Variants in SGCZ observed in about 807,000 individuals in gnomAD.
SGCZ encodes zeta-sarcoglycan.
A neutral mutation model predicts 41.3 loss-of-function variants in SGCZ; 40 were observed. The ratio of observed to expected loss-of-function variants is 0.97; its 90% CI spans 0.75 to 1.26. The LOEUF (loss-of-function observed/expected upper bound fraction) is 1.26. Among genes scored for constraint, SGCZ ranks in the 50% most tolerant of loss-of-function variants. SGCZ has a pLI of 0.00. For synonymous variants in SGCZ, 206 were observed against 137.5 expected, an observed-to-expected ratio of 1.50 and a Z score of -3.49; for missense variants, 552 against 369.8, an observed-to-expected ratio of 1.49 and a Z score of -4.04.
chr8:14,468,942 C>A (rs1466586966), intron 2 of SGCZ, among the ~76,000 whole-genome samples: 3 of 152,082 alleles, frequency 2.0e-5, no homozygotes, highest in African/African-American at 7.2e-5. Flanking sequence ...TACATACATT[C>A]CATTGCCATC....
At chr8:15,018,237 G>A (rs1010998917) in intron 1 of SGCZ, among the ~76,000 whole-genome samples, 2 of 152,102 alleles carry the variant, frequency 1.3e-5, no homozygotes, top group Non-Finnish European at 2.9e-5. Context: ...AAACTTTCAC[G>A]ATAGGACAGA....
At chr8:14,362,615 G>A (rs1271215496) in intron 2 of SGCZ, among the ~76,000 whole-genome samples, 1 of 152,118 alleles carries the variant, frequency 6.6e-6, no homozygotes, top group Non-Finnish European at 1.5e-5. Flanking sequence ...CTTCCCTTGG[G>A]TAGGAAAGGG....
chr8:14,414,166 A>G (rs979897553), intron 2 of SGCZ, among the ~76,000 whole-genome samples: 3 of 152,022 alleles, frequency 2.0e-5, no homozygotes, highest in Non-Finnish European at 2.9e-5. Context: ...AAATAGCCTA[A>G]CACAGAAATG....
At chr8:14,824,968 T>G (rs1313950932) in intron 1 of SGCZ, among the ~76,000 whole-genome samples, 3 of 152,108 alleles carry the variant, frequency 2.0e-5, no homozygotes, top group Admixed American at 2.0e-4. Context: ...CATACTGTAT[T>G]ACAAGACCAA....
intron 1 of SGCZ, among the ~76,000 whole-genome samples, chr8:15,101,144 C>T (rs1806596730): frequency 6.6e-6 from 1 of 152,194 alleles, no homozygotes; most frequent in East Asian, 1.9e-4. Context: ...GACTATGAGA[C>T]ATCTAAAAAA....
At chr8:15,012,644 C>G (rs1018316402) in intron 1 of SGCZ, among the ~76,000 whole-genome samples, 1 of 39,448 alleles carries the variant, frequency 2.5e-5, no homozygotes, top group Non-Finnish European at 4.7e-5. Flanking sequence ...ACATATAAAA[C>G]TATATATAAT....
intron 1 of SGCZ, among the ~76,000 whole-genome samples, chr8:14,978,116 A>G (rs929274402): frequency 6.6e-6 from 1 of 151,630 alleles, no homozygotes; most frequent in African/African-American, 2.4e-5. Context: ...ATTCTACTCT[A>G]TGTCTTTGCA....
At chr8:15,057,733 T>C (rs1192287406) in intron 1 of SGCZ, among the ~76,000 whole-genome samples, 2 of 152,228 alleles carry the variant, frequency 1.3e-5, no homozygotes, top group Non-Finnish European at 2.9e-5. Context: ...TTCCAAGAAT[T>C]AGCTGTGCTC....
intron 2 of SGCZ, among the ~76,000 whole-genome samples, chr8:14,457,964 G>A (rs756833568): frequency 1.7e-4 from 26 of 151,926 alleles, no homozygotes; most frequent in Non-Finnish European, 2.6e-4. Flanking sequence ...ACACTCTCTC[G>A]TCACCACGCA....
intron 1 of SGCZ, among the ~76,000 whole-genome samples, chr8:14,867,203 A>G (rs114500591): frequency 0.024 from 3,593 of 152,198 alleles, 48 homozygotes; most frequent in Middle Eastern, 0.041. Flanking sequence ...TATGAATTAT[A>G]AGTTTAAAAA....
intron 1 of SGCZ, among the ~76,000 whole-genome samples, chr8:15,120,596 A>G (rs961907769): frequency 2.0e-5 from 3 of 152,204 alleles, no homozygotes; most frequent in Admixed American, 6.5e-5. Context: ...ATCTGGTATT[A>G]AGGTGTAGAA....
intron 1 of SGCZ, among the ~76,000 whole-genome samples, chr8:14,778,127 C>T (rs1039336573): frequency 4.6e-5 from 7 of 152,020 alleles, no homozygotes; most frequent in African/African-American, 1.7e-4. Flanking sequence ...GAGGTCTCAA[C>T]TGATTGTCCC....
intron 1 of SGCZ, among the ~76,000 whole-genome samples, chr8:14,702,744 G>C (rs867758808): frequency 1.1e-5 from 1 of 89,102 alleles, no homozygotes; most frequent in Non-Finnish European, 3.1e-5. Context: ...TAGATAGATA[G>C]ATAGATAGAT....
intron 1 of SGCZ, among the ~76,000 whole-genome samples, chr8:14,805,868 A>T (rs1408887610): frequency 6.6e-6 from 1 of 151,056 alleles, no homozygotes; most frequent in South Asian, 2.1e-4. Context: ...AACAGAAATT[A>T]TAACAAACTA....
In SGCZ at chr8:14,998,369, A is replaced by C. The variant is rs73519066; in HGVS notation, c.39+239216T>G. Among the ~76,000 whole-genome samples the C allele has an allele frequency of 2.5e-3, 378 of 152,318 alleles. 3 individuals are homozygous for C. The highest frequency in any genetic ancestry group is 8.5e-3 in the African/African-American group (354 of 41,580). On this transcript the variant is annotated intron_variant, in intron 1 of 7. Transcript: ENST00000382080. ...AATACAGTTCTGGGTTGTAGCTATA[A>C]GCTTTCCAGTAAGCTGATGATATAA...
At chr8:14,322,919 A>C (rs1294345815) in intron 3 of SGCZ, among the ~76,000 whole-genome samples, 1 of 152,176 alleles carries the variant, frequency 6.6e-6, no homozygotes, top group Non-Finnish European at 1.5e-5. Context: ...CACAAAAACA[A>C]AATAAAGCAA....
chr8:14,408,952 AGT>A lies in SGCZ; in HGVS notation c.235-84750_235-84749del, dbSNP rs67492518. On this transcript the variant is annotated intron_variant, in intron 2 of 7. Transcript: ENST00000382080. Reference sequence around the variant, plus strand: ...AGCTAACACATTTTTAAATTAAGAGAGTGTGTGTGTGTGTGTGTGCATGTGTG... The same window carrying A: ...AGCTAACACATTTTTAAATTAAGAGAGTGTGTGTGTGTGTGTGCATGTGTG... Among the ~76,000 whole-genome samples, 316 of 149,476 alleles carry A rather than the reference AGT, an allele frequency of 2.1e-3. 4 individuals carry two copies. Among genetic ancestry groups the A allele is most frequent in the South Asian group, 5.5e-3 (26 of 4,738 alleles).
chr8:14,410,822 T>C (rs1341412477), intron 2 of SGCZ, among the ~76,000 whole-genome samples: 1 of 152,122 alleles, frequency 6.6e-6, no homozygotes, highest in African/African-American at 2.4e-5. Flanking sequence ...TCTAAGAGTG[T>C]AATTAAGCTT....
At chr8:14,629,815 T>G (rs979780059) in intron 1 of SGCZ, among the ~76,000 whole-genome samples, 1 of 152,068 alleles carries the variant, frequency 6.6e-6, no homozygotes, top group Non-Finnish European at 1.5e-5. Flanking sequence ...TTGAGATGCT[T>G]CATGACTCAA....
Sources: allele counts gnomAD v4.1 joint callset (sites outside exome capture counted in the v4.1 genomes callset), GRCh38; gene constraint gnomAD v4.1.1; transcripts MANE v1.5; gene names NCBI Gene and HGNC (gene_info 2026-07-23, HGNC 2026-07-21).